Variants in ARMH3 observed in about 807,000 individuals in gnomAD.
ARMH3 encodes the protein armadillo like helical domain containing 3.
In ARMH3, 60 loss-of-function variants were observed where a neutral mutation model predicts 99.1. The ratio of observed to expected loss-of-function variants is 0.61; its 90% CI spans 0.49 to 0.75. The LOEUF is 0.75. ARMH3 is among the 30% of genes least tolerant of loss of function. ARMH3 has a pLI of 0.00. For synonymous variants in ARMH3, 285 were observed against 292.8 expected, an observed-to-expected ratio of 0.97 and a Z score of 0.27; for missense variants, 679 against 843.1, an observed-to-expected ratio of 0.81 and a Z score of 2.41.
chr10:101,919,653 T>G (rs1275503607), intron 23 of ARMH3, among the ~76,000 whole-genome samples: 1 of 152,142 alleles, frequency 6.6e-6, no homozygotes, highest in Non-Finnish European at 1.5e-5. Context: ...CAATGCTGGA[T>G]CCTACGAAAC....
At chr10:101,950,110 C>A (rs539912975) in intron 22 of ARMH3, among the ~76,000 whole-genome samples, 1 of 152,232 alleles carries the variant, frequency 6.6e-6, no homozygotes, top group East Asian at 1.9e-4. Context: ...GTATGTCCAT[C>A]TTTACCCTCT....
At chr10:101,948,795 A>T (rs1392188292) in intron 22 of ARMH3, among the ~76,000 whole-genome samples, 1 of 152,192 alleles carries the variant, frequency 6.6e-6, no homozygotes, top group Non-Finnish European at 1.5e-5. Context: ...ACAAAATACA[A>T]GTGCATGTGG....
chr10:101,933,046 C>T (rs1330388385), intron 23 of ARMH3, among the ~76,000 whole-genome samples: 1 of 152,062 alleles, frequency 6.6e-6, no homozygotes, highest in Admixed American at 6.6e-5. Context: ...ATTAGCCTAG[C>T]GTGGTGGTGG....
intron 11 of ARMH3, among the ~76,000 whole-genome samples, chr10:102,011,391 C>A (rs2066625259): frequency 6.6e-6 from 1 of 152,060 alleles, no homozygotes; most frequent in Non-Finnish European, 1.5e-5. Context: ...CAAATTCTGG[C>A]TTAATGTGTA....
chr10:102,039,898 C>T (rs899181764), intron 2 of ARMH3, 115 bp downstream of exon 2: 16 of 933,848 alleles, frequency 1.7e-5, no homozygotes, highest in Non-Finnish European at 2.7e-5. Context: ...CTTTCTCTCC[C>T]CTGTCCCACA....
At chr10:102,011,183 G>A (rs1027625249) in intron 11 of ARMH3, among the ~76,000 whole-genome samples, 5 of 151,938 alleles carry the variant, frequency 3.3e-5, no homozygotes, top group African/African-American at 9.7e-5. Context: ...CTAAAATTCA[G>A]ACCTCTAAGC....
intron 23 of ARMH3, among the ~76,000 whole-genome samples, chr10:101,916,947 T>C (rs552956580): frequency 1.2e-4 from 18 of 152,318 alleles, no homozygotes; most frequent in South Asian, 1.0e-3. Flanking sequence ...CTTACACTAG[T>C]ACCACCCAAG....
rs570590399 is a variant in ARMH3 at position 101,898,140 on chromosome 10, G to A, written c.1782-8650C>T. Reference sequence around the variant, plus strand: ...CTCCCCTGTAATTCCAGCACTTTGCGAGGCTGAAGTGGGAGAAGTGCTTAG... The same window carrying A: ...CTCCCCTGTAATTCCAGCACTTTGCAAGGCTGAAGTGGGAGAAGTGCTTAG... On this transcript the variant is annotated intron_variant, in intron 23 of 25. Coordinates refer to ENST00000370033, the MANE Select transcript of ARMH3 (RefSeq NM_024541.3). Among the ~76,000 whole-genome samples the A allele has an allele frequency of 3.3e-5, 5 of 151,880 alleles. No homozygotes were observed. The South Asian group carries it at 8.3e-4, about 25-fold the overall frequency.
At chr10:101,949,157 A>C (rs1041381411) in intron 22 of ARMH3, among the ~76,000 whole-genome samples, 1 of 152,060 alleles carries the variant, frequency 6.6e-6, no homozygotes, top group Non-Finnish European at 1.5e-5. Flanking sequence ...TCTCATATCA[A>C]TGAACTATGC....
intron 8 of ARMH3, among the ~76,000 whole-genome samples, chr10:102,018,582 A>G (rs1357093163): frequency 3.3e-5 from 5 of 152,212 alleles, no homozygotes; most frequent in African/African-American, 1.2e-4. Flanking sequence ...ACATAGTGCA[A>G]CGCATTCATT....
chr10:102,009,136 A>G (rs1228996430), intron 13 of ARMH3, among the ~76,000 whole-genome samples: 1 of 152,190 alleles, frequency 6.6e-6, no homozygotes, highest in Non-Finnish European at 1.5e-5. Context: ...GGTTAACAGG[A>G]TCAATAAATT....
At chr10:102,008,503 G>A (rs897308045) in intron 13 of ARMH3, among the ~76,000 whole-genome samples, 3 of 151,750 alleles carry the variant, frequency 2.0e-5, no homozygotes, top group Non-Finnish European at 4.4e-5. Context: ...AGTATTCTGG[G>A]GGTATTTTTG....
chr10:101,908,529 C>A (rs10786652), intron 23 of ARMH3, among the ~76,000 whole-genome samples: 84,534 of 151,886 alleles, frequency 0.56, 23,686 homozygotes, highest in East Asian at 0.76. Flanking sequence ...CCAAGTTGTG[C>A]CAACTGAAAT....
chr10:101,847,688 A>C, intron 25 of ARMH3, 68 bp from the exon 26 acceptor site: 1 of 1,442,972 alleles, frequency 6.9e-7, no homozygotes, highest in South Asian at 1.1e-5. Flanking sequence ...AGTCAGTTCT[A>C]AACGGCAGAG....
chr10:101,959,417 A>G (rs1178908757), intron 20 of ARMH3, among the ~76,000 whole-genome samples: 1 of 152,218 alleles, frequency 6.6e-6, no homozygotes, highest in African/African-American at 2.4e-5. Context: ...AGGCGAGAGA[A>G]AGGGATGGGC....
At chr10:102,008,687 G>A (rs2066561577) in intron 13 of ARMH3, among the ~76,000 whole-genome samples, 1 of 151,784 alleles carries the variant, frequency 6.6e-6, no homozygotes, top group Admixed American at 6.6e-5. Context: ...CAAGTAGCTG[G>A]GACTACAGGC....
chr10:101,921,187 A>C (rs1843293079), intron 23 of ARMH3, among the ~76,000 whole-genome samples: 1 of 152,234 alleles, frequency 6.6e-6, no homozygotes, highest in South Asian at 2.1e-4. Context: ...CTACTGATAT[A>C]TACCACAAAG....
chr10:102,022,530 T>C (rs1421977296), intron 8 of ARMH3, among the ~76,000 whole-genome samples: 1 of 148,746 alleles, frequency 6.7e-6, no homozygotes, highest in Non-Finnish European at 1.5e-5. Context: ...CAGGTTCCTG[T>C]TTCCCCCACA....
chr10:102,052,794 A>G (rs566338577), intron 1 of ARMH3, among the ~76,000 whole-genome samples: 1 of 152,122 alleles, frequency 6.6e-6, no homozygotes, highest in South Asian at 2.1e-4. Context: ...CCCTCACTCA[A>G]AGCTGGTGCC....
Sources: allele counts gnomAD v4.1 joint callset (sites outside exome capture counted in the v4.1 genomes callset), GRCh38; gene constraint gnomAD v4.1.1; transcripts MANE v1.5; gene names NCBI Gene and HGNC (gene_info 2026-07-23, HGNC 2026-07-21).